CSMD1: variants seen among roughly 807,000 people sequenced by gnomAD.
The protein encoded by CSMD1 is CUB and Sushi multiple domains 1, also known as CUB and sushi domain-containing protein 1.
In CSMD1, 213 loss-of-function variants were observed where a neutral mutation model predicts 417.5. That is an observed-to-expected ratio of 0.51 (90% confidence interval 0.46 to 0.57). CSMD1 has a LOEUF of 0.57. Among genes scored for constraint, CSMD1 ranks in the 20% least tolerant of loss-of-function variants. CSMD1 has a pLI of 0.00. For synonymous variants in CSMD1, 2,862 were observed against 1,736.8 expected (o/e 1.65, Z -16.11); for missense variants, 6,923 against 4,529.7 (o/e 1.53, Z -15.17).
intron 5 of CSMD1, among the ~76,000 whole-genome samples, chr8:3,825,292 G>A (rs1431806720): frequency 6.6e-6 from 1 of 152,164 alleles, no homozygotes. Flanking sequence ...CACTTTGGGA[G>A]ACCGCGACAG....
chr8:4,582,267 G>C (rs1055476766), intron 2 of CSMD1, among the ~76,000 whole-genome samples: 1 of 152,074 alleles, frequency 6.6e-6, no homozygotes, highest in Non-Finnish European at 1.5e-5. Flanking sequence ...AATGGTCCCG[G>C]ACATGATCTT....
chr8:3,354,876 T>TATCTATAGATATGTCTATCTATAG (rs1563303908), intron 21 of CSMD1, among the ~76,000 whole-genome samples: 4 of 143,464 alleles, frequency 2.8e-5, no homozygotes, highest in African/African-American at 1.1e-4. Flanking sequence ...GATATACATA[T>TATCTATAGATATGTCTATCTATAG]ATCTATAGAT....
intron 3 of CSMD1, among the ~76,000 whole-genome samples, chr8:4,351,341 G>A (rs960073392): frequency 6.6e-6 from 1 of 152,196 alleles, no homozygotes; most frequent in African/African-American, 2.4e-5. Context: ...AACATTCAAT[G>A]AAAATTTGAG....
intron 23 of CSMD1, among the ~76,000 whole-genome samples, chr8:3,339,800 G>T (rs73503779): frequency 6.6e-6 from 1 of 151,996 alleles, no homozygotes; most frequent in Non-Finnish European, 1.5e-5. Context: ...CAAACAAGTG[G>T]ACACTCATTG....
intron 7 of CSMD1, among the ~76,000 whole-genome samples, chr8:3,647,139 G>C (rs1797616368): frequency 6.6e-6 from 1 of 152,172 alleles, no homozygotes; most frequent in Admixed American, 6.5e-5. Context: ...AGGAATGTAA[G>C]CTTGTAGGGG....
rs1009187672 is a variant in CSMD1, at chr8:4,535,281, A to AG, written c.302+102060dup. 5.9e-5 allele frequency among the ~76,000 whole-genome samples: 9 copies of AG among 152,324 alleles called. No individual in the cohort carries two copies. In the East Asian group the frequency reaches 1.7e-3, roughly 29 times the overall value. ...TGAATTTAATTTTAACCAAAATCAC[A>AG]GGGGGAAGTCAATTATTTGTTATCT... is the stretch of plus-strand genomic sequence containing the variant. On this transcript the variant is annotated intron_variant, in intron 2 of 69. Transcript: ENST00000635120.
chr8:3,386,682 C>G (rs1296019220), intron 18 of CSMD1, among the ~76,000 whole-genome samples: 2 of 152,102 alleles, frequency 1.3e-5, no homozygotes, highest in Non-Finnish European at 2.9e-5. Context: ...TTTGCTTTTT[C>G]CATAGAAACA....
intron 3 of CSMD1, among the ~76,000 whole-genome samples, chr8:4,230,733 G>A (rs184352778): frequency 6.6e-6 from 1 of 152,004 alleles, no homozygotes; most frequent in Non-Finnish European, 1.5e-5. Context: ...ATATAAAACC[G>A]ATTACAAGCT....
intron 2 of CSMD1, among the ~76,000 whole-genome samples, chr8:4,566,441 C>A (rs867201893): frequency 6.6e-6 from 1 of 151,700 alleles, no homozygotes; most frequent in African/African-American, 2.4e-5. Flanking sequence ...ATCACGAGGT[C>A]AAGAGAACGA....
chr8:3,076,604 TCTCA>T, intron 49 of CSMD1, among the ~76,000 whole-genome samples: 1 of 152,222 alleles, frequency 6.6e-6, no homozygotes, highest in South Asian at 2.1e-4. Context: ...CCATAACTGC[TCTCA>T]CTATTTTTAA....
chr8:3,430,924 T>A (rs140490360), intron 12 of CSMD1, among the ~76,000 whole-genome samples: 226 of 152,304 alleles, frequency 1.5e-3, no homozygotes, highest in African/African-American at 5.3e-3. Flanking sequence ...TTCTAAGCAT[T>A]GAATAGTTGC....
Position 4,440,872 on chromosome 8 carries a change from C to G in CSMD1, c.303-20807G>C, listed in dbSNP as rs893542002. On this transcript the variant is annotated intron_variant, in intron 2 of 69. Transcript: ENST00000635120. Reference sequence around the variant, plus strand: ...CTTAGCTGGGAGTGGGGGTGAATGCCTATAGTCCCAGCTACTTGGGAGACT... The same window carrying G: ...CTTAGCTGGGAGTGGGGGTGAATGCGTATAGTCCCAGCTACTTGGGAGACT... Among the ~76,000 whole-genome samples, 6 of 151,420 alleles carry G rather than the reference C, an allele frequency of 4.0e-5. No homozygotes were observed. In the East Asian group the frequency reaches 7.8e-4, roughly 20 times the overall value.
intron 6 of CSMD1, among the ~76,000 whole-genome samples, chr8:3,744,296 G>C (rs912189877): frequency 6.6e-6 from 1 of 152,076 alleles, no homozygotes; most frequent in Non-Finnish European, 1.5e-5. Flanking sequence ...AGGCGGATGG[G>C]GACACAGCAC....
At chr8:3,614,661 A>G (rs1293577812) in intron 8 of CSMD1, among the ~76,000 whole-genome samples, 2 of 152,208 alleles carry the variant, frequency 1.3e-5, no homozygotes, top group Non-Finnish European at 2.9e-5. Flanking sequence ...CAGCTCTGCA[A>G]AATTCACCAA....
rs147586376 is a variant in CSMD1 at position 3,074,738 on chromosome 8, T to G, written c.7474+12359A>C. 3.1e-3 allele frequency among the ~76,000 whole-genome samples: 477 copies of G among 152,354 alleles called. 2 individuals are homozygous for G. Among genetic ancestry groups the G allele is most frequent in the African/African-American group, 0.011 (457 of 41,584 alleles). On this transcript the variant is annotated intron_variant, in intron 49 of 69. Transcript: ENST00000635120. ...GCAATAAATATACAAACATATATTT[T>G]AGAATAGAATTTTTGGCATTTTATT...
chr8:3,880,695 A>C (rs1292132635), intron 5 of CSMD1, among the ~76,000 whole-genome samples: 1 of 152,202 alleles, frequency 6.6e-6, no homozygotes, highest in African/African-American at 2.4e-5. Flanking sequence ...ACGTTTCCCA[A>C]ATCCTCAGCT....
chr8:3,148,083 C>A (rs1446059606), intron 40 of CSMD1, among the ~76,000 whole-genome samples: 2 of 152,048 alleles, frequency 1.3e-5, no homozygotes, highest in South Asian at 2.1e-4. Context: ...AATAGGGGAC[C>A]CTTTTCTGAG....
chr8:4,012,029 A>G (rs1816580606), intron 4 of CSMD1, among the ~76,000 whole-genome samples: 1 of 152,178 alleles, frequency 6.6e-6, no homozygotes, highest in Non-Finnish European at 1.5e-5. Context: ...TGACAAGGAA[A>G]AAAAAAGTCA....
intron 11 of CSMD1, among the ~76,000 whole-genome samples, chr8:3,469,402 T>C (rs943360548): frequency 6.6e-6 from 1 of 152,154 alleles, no homozygotes; most frequent in Non-Finnish European, 1.5e-5. Context: ...ATAGCTGAAA[T>C]AGATTTGGCA....
Sources: gnomAD v4.1 joint callset for allele counts (sites outside exome capture counted in the v4.1 genomes callset) on GRCh38, gnomAD v4.1.1 for gene constraint, MANE v1.5 for transcripts, NCBI Gene and HGNC (gene_info 2026-07-23, HGNC 2026-07-21) for gene names.